TMBIM4: variants seen among roughly 807,000 people sequenced by gnomAD.
TMBIM4 encodes the protein transmembrane BAX inhibitor motif containing 4, also known as protein lifeguard 4.
A neutral mutation model predicts 27.7 loss-of-function variants in TMBIM4; 28 were observed. The observed-to-expected ratio is 1.01, with a 90% CI of 0.75 to 1.38. The LOEUF (loss-of-function observed/expected upper bound fraction) is 1.38. Among genes scored for constraint, TMBIM4 ranks in the 40% most tolerant of loss-of-function variants. The pLI is 0.00. For missense variants in TMBIM4, 265 were observed against 277.5 expected (o/e 0.95, Z 0.32); for synonymous variants, 115 against 113.1 (o/e 1.02, Z -0.11).
At position 66,137,392 on chromosome 12, in the gene TMBIM4, A is replaced by C. The variant is rs2051593065; in HGVS notation, c.*568T>G. On this transcript the variant is annotated 3_prime_UTR_variant, in exon 7 of 7. Transcript: ENST00000358230. ...ACTGCTATGCGTGGCTAATTTAGGA[A>C]GAAAAATTTTTTTTTTTTTTTTGAG... The C allele has an allele frequency of 6.6e-6, 1 of 152,112 alleles. No individual in the cohort carries two copies. Among genetic ancestry groups the C allele is most frequent in the Admixed American group, 6.6e-5 (1 of 15,240 alleles). The allele number at this position is 152,112 out of a possible 1,614,324, so 9.4% of individuals were successfully genotyped here.
At chr12:66,168,536 T>C (rs1565790620) in intron 1 of TMBIM4, among the ~76,000 whole-genome samples, 1 of 152,238 alleles carries the variant, frequency 6.6e-6, no homozygotes, top group Non-Finnish European at 1.5e-5. Context: ...TAGTGAACTA[T>C]AACCTAGTAA....
chr12:66,169,920 G>A lies in TMBIM4; in HGVS notation c.32C>T (p.Ser11Phe). The change falls in exon 1 of 7, where the codon TCC becomes TTC. Residue 11 changes from serine (S) to phenylalanine (F), a missense_variant. By Grantham distance (155) the Ser-to-Phe change is radical. Coordinates refer to ENST00000358230, the MANE Select transcript of TMBIM4 (RefSeq NM_016056.4). MADPDPRYPR[S>F]SIEDDFNYGS... ...ATAGTTGAAGTCGTCCTCGATCGAGGAGCGAGGGTACCGGGGGTCGGGGTC... is the reference window on the plus strand; with the variant it reads ...ATAGTTGAAGTCGTCCTCGATCGAGAAGCGAGGGTACCGGGGGTCGGGGTC... 4.7e-6 allele frequency: 7 copies of A among 1,496,336 alleles called. No individual in the cohort carries two copies. Among genetic ancestry groups the A allele is most frequent in the South Asian group, 2.5e-5 (2 of 78,798 alleles). The allele number at this position is 1,496,336 out of a possible 1,614,324, so 92.7% of individuals were successfully genotyped here. A position where few individuals can be genotyped will look rare whatever the true frequency, so the allele number is the denominator to read the frequency against.
intron 3 of TMBIM4, among the ~76,000 whole-genome samples, chr12:66,149,001 C>CTCCA (rs2051797054): frequency 6.6e-6 from 1 of 152,168 alleles, no homozygotes; most frequent in African/African-American, 2.4e-5. Flanking sequence ...CATCCCTGTA[C>CTCCA]TCCACCCTAC....
chr12:66,152,321 T>C lies in TMBIM4; in HGVS notation c.262A>G (p.Ile88Val), dbSNP rs749574123. Residue 88 changes from isoleucine (I) to valine (V), a missense_variant, in exon 3 of 7, where the codon ATT becomes GTT. By Grantham distance (29) the Ile-to-Val change is conservative (BLOSUM62 3). Coordinates refer to ENST00000358230, the MANE Select transcript of TMBIM4 (RefSeq NM_016056.4). ...LGSLGLIFAL[I>V]LNRHKYPLNL... The stretch of plus-strand genomic sequence containing the variant: ...AGGGGATACTTATGTCTGTTTAAAA[T>C]CAACGCAAAAATCAAACCCAGAGAT... 1 of 1,610,076 alleles carries C rather than the reference T, an allele frequency of 6.2e-7. No individual in the cohort carries two copies. Among genetic ancestry groups the C allele is most frequent in the Non-Finnish European group, 8.5e-7 (1 of 1,177,788 alleles).
intron 1 of TMBIM4, among the ~76,000 whole-genome samples, chr12:66,166,855 A>C (rs1162515635): frequency 6.6e-6 from 1 of 152,236 alleles, no homozygotes. Context: ...GATGTTTACA[A>C]AGCAGCTTTA....
At chr12:66,167,367 T>G (rs757413241) in intron 1 of TMBIM4, among the ~76,000 whole-genome samples, 3 of 152,228 alleles carry the variant, frequency 2.0e-5, no homozygotes, top group Non-Finnish European at 4.4e-5. Context: ...AAAGGGTATA[T>G]AAGAACTCTG....
At chr12:66,167,852 AAC>A (rs2052157802) in intron 1 of TMBIM4, among the ~76,000 whole-genome samples, 3 of 152,350 alleles carry the variant, frequency 2.0e-5, no homozygotes, top group African/African-American at 7.2e-5. Context: ...AGGTAGAAGC[AAC>A]ACAAATGTCC....
intron 5 of TMBIM4, chr12:66,145,270 C>T (rs1309525767): frequency 1.3e-5 from 2 of 152,156 alleles, no homozygotes; most frequent in Non-Finnish European, 2.9e-5. Flanking sequence ...AAAAAGAAAA[C>T]GGTTGGGTGA....
chr12:66,163,369 A>G (rs562113735), intron 1 of TMBIM4, among the ~76,000 whole-genome samples: 1 of 152,298 alleles, frequency 6.6e-6, no homozygotes, highest in Admixed American at 6.5e-5. Flanking sequence ...TCACACTACT[A>G]TAAAGAACTC....
At chr12:66,164,043 C>G (rs1474273231) in intron 1 of TMBIM4, among the ~76,000 whole-genome samples, 2 of 152,192 alleles carry the variant, frequency 1.3e-5, no homozygotes, top group Admixed American at 6.5e-5. Context: ...TCAATGTAAT[C>G]AGCACATTTA....
At chr12:66,167,804 C>A (rs2052156997) in intron 1 of TMBIM4, among the ~76,000 whole-genome samples, 1 of 152,176 alleles carries the variant, frequency 6.6e-6, no homozygotes, top group South Asian at 2.1e-4. Flanking sequence ...GGTATGTGCA[C>A]ACCTATATTC....
intron 1 of TMBIM4, among the ~76,000 whole-genome samples, chr12:66,167,019 T>G (rs1203446089): frequency 6.6e-6 from 1 of 152,016 alleles, no homozygotes; most frequent in Admixed American, 6.6e-5. Flanking sequence ...ATATTATAAG[T>G]GAAAAAGGCC....
chr12:66,142,586 G>A (rs1207023147), intron 5 of TMBIM4, among the ~76,000 whole-genome samples: 3 of 151,922 alleles, frequency 2.0e-5, no homozygotes, highest in Non-Finnish European at 4.4e-5. Flanking sequence ...TGTTACAAGA[G>A]AGGAACCTTG....
At chr12:66,141,057 A>C (rs1282063502) in intron 5 of TMBIM4, among the ~76,000 whole-genome samples, 1 of 152,160 alleles carries the variant, frequency 6.6e-6, no homozygotes, top group Non-Finnish European at 1.5e-5. Flanking sequence ...TCAAAAATAA[A>C]GACAAAGGTT....
chr12:66,158,163 T>G (rs1465817209), intron 1 of TMBIM4, among the ~76,000 whole-genome samples: 1 of 148,418 alleles, frequency 6.7e-6, no homozygotes, highest in African/African-American at 2.5e-5. Flanking sequence ...GAGGCGGAGC[T>G]TGCAGTGAGC....
At chr12:66,167,908 A>G (rs371589684) in intron 1 of TMBIM4, among the ~76,000 whole-genome samples, 2 of 152,324 alleles carry the variant, frequency 1.3e-5, no homozygotes, top group Middle Eastern at 3.4e-3. Flanking sequence ...CATACAAAGT[A>G]CTACTACTGT....
intron 1 of TMBIM4, among the ~76,000 whole-genome samples, chr12:66,159,223 T>G (rs1256199893): frequency 6.6e-6 from 1 of 152,210 alleles, no homozygotes; most frequent in Non-Finnish European, 1.5e-5. Flanking sequence ...ATGTGTGTGA[T>G]TCCATGACTA....
In TMBIM4 at chr12:66,156,870, G is replaced by T. The variant is rs2051945144; in HGVS notation, c.98-3422C>A. ...CACAGTTCTTTGACACTCCCTTCAA[G>T]TGAGTCCTAACAAAAAGAATGATGC... On this transcript the variant is annotated intron_variant, in intron 1 of 6. Transcript: ENST00000358230. Among the ~76,000 whole-genome samples the T allele has an allele frequency of 2.0e-5, 3 of 152,062 alleles. No homozygotes were observed. In the South Asian group the frequency reaches 6.2e-4, roughly 32 times the overall value.
chr12:66,139,175 T>C (rs1235024234), intron 5 of TMBIM4, among the ~76,000 whole-genome samples: 2 of 152,268 alleles, frequency 1.3e-5, no homozygotes, highest in African/African-American at 4.8e-5. Context: ...TGAACATGTC[T>C]ATCGAAGTTC....
Sources: allele counts gnomAD v4.1 joint callset (sites outside exome capture counted in the v4.1 genomes callset), GRCh38; gene constraint gnomAD v4.1.1; transcripts MANE v1.5; gene names NCBI Gene and HGNC (gene_info 2026-07-23, HGNC 2026-07-21).